KCNA6: variants seen among roughly 807,000 people sequenced by gnomAD.
KCNA6 encodes the protein potassium voltage-gated channel subfamily A member 6.
In KCNA6, 17 loss-of-function variants were observed where a neutral mutation model predicts 29.5. The ratio of observed to expected loss-of-function variants is 0.58; its 90% CI spans 0.39 to 0.86. The LOEUF is 0.86. Ranked by LOEUF, KCNA6 falls within the 40% of genes least tolerant of loss-of-function variation. The pLI, the probability that KCNA6 is intolerant of heterozygous loss-of-function variation, is 0.00. For missense variants in KCNA6, 450 were observed against 703.4 expected (o/e 0.64, Z 4.07); for synonymous variants, 296 against 304.7 (o/e 0.97, Z 0.30).
At chr12:4,827,685 G>A in the KCNA6 span, among the ~76,000 whole-genome samples, 78,812 of 152,132 alleles carry the variant, frequency 0.52, 21,151 homozygotes, top group African/African-American at 0.66. Flanking sequence ...TCACTGTGCC[G>A]CAAAGTGGCT....
chr12:4,828,679 C>T, the KCNA6 span, among the ~76,000 whole-genome samples: 2 of 152,152 alleles, frequency 1.3e-5, no homozygotes, highest in African/African-American at 4.8e-5. Context: ...TCCCAGTTGC[C>T]CCGTTATTAT....
At chr12:4,827,738 C>T in the KCNA6 span, among the ~76,000 whole-genome samples, 5 of 152,218 alleles carry the variant, frequency 3.3e-5, no homozygotes, top group African/African-American at 1.2e-4. Flanking sequence ...CAGCTCTGCC[C>T]TGGGAAGCTT....
chr12:4,834,466 G>A, the KCNA6 span, among the ~76,000 whole-genome samples: 2 of 152,196 alleles, frequency 1.3e-5, no homozygotes, highest in Non-Finnish European at 2.9e-5. Flanking sequence ...AATCTTCTAA[G>A]AAGGTCATGT....
the KCNA6 span, among the ~76,000 whole-genome samples, chr12:4,826,608 G>C: frequency 2.0e-5 from 3 of 152,236 alleles, no homozygotes; most frequent in Non-Finnish European, 4.4e-5. Flanking sequence ...GCAAATGGTA[G>C]CCATTAGTAT....
chr12:4,829,833 T>C, the KCNA6 span, among the ~76,000 whole-genome samples: 1 of 152,236 alleles, frequency 6.6e-6, no homozygotes, highest in African/African-American at 2.4e-5. Flanking sequence ...TCTTTCACCA[T>C]TGAACATCGT....
chr12:4,825,517 G>A, the KCNA6 span, among the ~76,000 whole-genome samples: 7 of 152,050 alleles, frequency 4.6e-5, no homozygotes, highest in African/African-American at 1.4e-4. Context: ...TGGAAAACTC[G>A]AAGAGATCTG....
At chr12:4,832,900 A>T in the KCNA6 span, among the ~76,000 whole-genome samples, 2 of 149,718 alleles carry the variant, frequency 1.3e-5, no homozygotes, top group Non-Finnish European at 3.0e-5. Flanking sequence ...CTTTCTAGAG[A>T]TACATGTGCC....
chr12:4,850,851 A>G, the KCNA6 span: 3 of 453,458 alleles, frequency 6.6e-6, no homozygotes, highest in Non-Finnish European at 1.3e-5. The surrounding 1 kb of genome is among the most constrained non-coding windows in gnomAD (Gnocchi z 5.4). Flanking sequence ...GCTGGCAGGC[A>G]TCTGGCCTGA....
the KCNA6 span, among the ~76,000 whole-genome samples, chr12:4,847,751 A>G: frequency 6.6e-6 from 1 of 152,050 alleles, no homozygotes; most frequent in Non-Finnish European, 1.5e-5. Context: ...TTGTAATTTG[A>G]TGATCTCTGT....
At chr12:4,826,648 G>A in the KCNA6 span, among the ~76,000 whole-genome samples, 1 of 152,228 alleles carries the variant, frequency 6.6e-6, no homozygotes, top group Non-Finnish European at 1.5e-5. Context: ...TCACTGTAAA[G>A]TGAGGTCATT....
At chr12:4,820,287 A>G in the KCNA6 span, among the ~76,000 whole-genome samples, 1 of 152,166 alleles carries the variant, frequency 6.6e-6, no homozygotes, top group Non-Finnish European at 1.5e-5. Context: ...TATATATTTT[A>G]ACAAAGTTTG....
At chr12:4,819,352 C>G in the KCNA6 span, among the ~76,000 whole-genome samples, 1 of 152,222 alleles carries the variant, frequency 6.6e-6, no homozygotes, top group Non-Finnish European at 1.5e-5. Flanking sequence ...CAGCCCCTGG[C>G]CCAGAGTTTT....
chr12:4,810,421 G>A lies in KCNA6; in HGVS notation c.380G>A (p.Gly127Glu). Reference sequence around the variant, plus strand: ...GAGGAGATCCGCTTCTACCAGCTGGGGGACGAGGCCCTGGCGGCCTTCCGG... The same window carrying A: ...GAGGAGATCCGCTTCTACCAGCTGGAGGACGAGGCCCTGGCGGCCTTCCGG... The change falls in exon 1 of 1, where the codon GGG (glycine) becomes GAG (glutamate). Residue 127 changes from glycine (G) to glutamate (E), a missense_variant. By Grantham distance (98) the Gly-to-Glu change is moderately conservative. Coordinates refer to ENST00000280684, the Ensembl canonical transcript of KCNA6. This position sits in a 1 kb window ranked among gnomAD's most constrained non-coding sequence, Gnocchi z 7.5. 1 of 1,614,134 alleles carries A rather than the reference G, an allele frequency of 6.2e-7. No individual in the cohort carries two copies. The highest frequency in any genetic ancestry group is 2.2e-5 in the East Asian group (1 of 44,866).
At chr12:4,812,823 T>G (rs1260111564) in exon 1 of KCNA6, 1 of 167,106 alleles carries the variant, frequency 6.0e-6, no homozygotes, top group East Asian at 1.9e-4. Context: ...GAGGCTTTTT[T>G]GCTGAGTCAA....
rs113265754 is a variant in KCNA6 at position 4,810,022 on chromosome 12, G to A, written c.-20G>A. On this transcript the variant is annotated 5_prime_UTR_variant, in exon 1 of 1. Transcript: ENST00000280684. This position sits in a 1 kb window ranked among gnomAD's most constrained non-coding sequence, Gnocchi z 7.5. Reference sequence around the variant, plus strand: ...TCGTGGGCGCCGTCCTAGTGGCGGGGAGCGCACCTCCGAGGGGGCATGAGA... The same window carrying A: ...TCGTGGGCGCCGTCCTAGTGGCGGGAAGCGCACCTCCGAGGGGGCATGAGA... 4 of 1,485,392 alleles carry A rather than the reference G, an allele frequency of 2.7e-6. No individual in the cohort carries two copies. Among genetic ancestry groups the A allele is most frequent in the African/African-American group, 1.4e-5 (1 of 71,804 alleles). 92.0% of individuals were successfully genotyped at this position (1,485,392 alleles called of 1,614,324 possible). A position where few individuals can be genotyped will look rare whatever the true frequency, so the allele number is the denominator to read the frequency against.
At chr12:4,825,376 C>T in the KCNA6 span, among the ~76,000 whole-genome samples, 126 of 152,308 alleles carry the variant, frequency 8.3e-4, no homozygotes, top group Middle Eastern at 3.4e-3. Flanking sequence ...AGCAGTAAAA[C>T]TATTTCACTT....
chr12:4,850,516 T>C, the KCNA6 span, among the ~76,000 whole-genome samples: 1 of 152,060 alleles, frequency 6.6e-6, no homozygotes, highest in Admixed American at 6.6e-5. The surrounding 1 kb of genome is among the most constrained non-coding windows in gnomAD (Gnocchi z 5.4). Flanking sequence ...TACAAGCTCA[T>C]AGTCACTGAT....
At position 4,811,601 on chromosome 12, in the gene KCNA6, T is replaced by C. The variant is rs34642709; in HGVS notation, c.1560T>C (p.Tyr520=). 0.016 allele frequency: 25,229 copies of C among 1,614,072 alleles called. 276 individuals are homozygous for C. Among genetic ancestry groups the C allele is most frequent in the South Asian group, 0.036 (3,244 of 91,076 alleles). The change falls in exon 1 of 1, where the codon TAT becomes TAC. Residue 520 remains tyrosine (Y), a synonymous_variant. Transcript: ENST00000280684. The surrounding 1 kb of genome is among the most constrained non-coding windows in gnomAD (Gnocchi z 7.1). Reference sequence around the variant, plus strand: ...ACCTTCCTACACCACATCGGGCCTATGCAGAGAAAAGAATGCTCACGGAGG... The same window carrying C: ...ACCTTCCTACACCACATCGGGCCTACGCAGAGAAAAGAATGCTCACGGAGG...
the KCNA6 span, among the ~76,000 whole-genome samples, chr12:4,843,185 C>CTTTT: frequency 6.8e-6 from 1 of 146,876 alleles, no homozygotes. Flanking sequence ...AAATTCTTTA[C>CTTTT]TTTTTTTTTT....
Sources: gnomAD v4.1 joint callset for allele counts (sites outside exome capture counted in the v4.1 genomes callset) on GRCh38, gnomAD v4.1.1 for gene constraint, Gnocchi (gnomAD v3.1) non-coding constraint, MANE v1.5 for transcripts, NCBI Gene and HGNC (gene_info 2026-07-23, HGNC 2026-07-21) for gene names.